Variants in TNFRSF10B observed in about 807,000 individuals in gnomAD.
TNFRSF10B encodes tumor necrosis factor receptor superfamily member 10B.
Under a neutral mutation model 41.4 loss-of-function variants are expected in TNFRSF10B, and 35 were observed. The ratio of observed to expected loss-of-function variants is 0.85; its 90% CI spans 0.65 to 1.12. The LOEUF (loss-of-function observed/expected upper bound fraction) is 1.12, where lower values mean the gene tolerates loss of function less well. TNFRSF10B is among the 50% of genes most tolerant of loss of function. The probability of loss-of-function intolerance (pLI) is 0.00; values close to 1 mark genes in which losing one functional copy is unlikely to be tolerated. For missense variants in TNFRSF10B, 584 were observed against 552.7 expected, an observed-to-expected ratio of 1.06 and a Z score of -0.57; for synonymous variants, 230 against 215.5, an observed-to-expected ratio of 1.07 and a Z score of -0.59.
intron 1 of TNFRSF10B, among the ~76,000 whole-genome samples, chr8:23,057,007 TA>T (rs1348663708): frequency 6.6e-6 from 1 of 151,414 alleles, no homozygotes; most frequent in East Asian, 1.9e-4. Flanking sequence ...AAATGTCAAT[TA>T]AGTCAAGGTG....
rs1424201035 is a variant in TNFRSF10B at position 23,028,322 on chromosome 8, A to G, written c.748+9T>C. ...GTGCCCTGTGCCCCCGCCCTCAGCCAGCACCTACCTGAGCAGATGCCTTTC... is the reference window on the plus strand; with the variant it reads ...GTGCCCTGTGCCCCCGCCCTCAGCCGGCACCTACCTGAGCAGATGCCTTTC... On this transcript the variant is annotated intron_variant, in intron 5 of 8. Transcript: ENST00000276431. The G allele has an allele frequency of 1.2e-6, 2 of 1,613,900 alleles. No homozygotes were observed. The highest frequency in any genetic ancestry group is 1.7e-6 in the Non-Finnish European group (2 of 1,179,996).
At chr8:23,060,161 AT>A (rs140362453) in intron 1 of TNFRSF10B, among the ~76,000 whole-genome samples, 14,745 of 152,058 alleles carry the variant, frequency 0.097, 1,314 homozygotes, top group African/African-American at 0.24. Flanking sequence ...CAAAATGTTT[AT>A]TTTTTCTTTT....
At chr8:23,023,599 A>T (rs1463864335) in intron 8 of TNFRSF10B, among the ~76,000 whole-genome samples, 3 of 152,218 alleles carry the variant, frequency 2.0e-5, no homozygotes, top group African/African-American at 7.2e-5. Context: ...CGCCGTCCTC[A>T]GAGATAGACA....
At chr8:23,051,574 T>C (rs1812519184) in intron 1 of TNFRSF10B, among the ~76,000 whole-genome samples, 1 of 151,462 alleles carries the variant, frequency 6.6e-6, no homozygotes, top group African/African-American at 2.4e-5. Flanking sequence ...AGATGGAGTC[T>C]CGCTCTGTCG....
Position 23,069,001 on chromosome 8 carries a change from C to T in TNFRSF10B, c.-107G>A, listed in dbSNP as rs576864679. 6.8e-5 allele frequency: 107 copies of T among 1,567,412 alleles called. 1 individual carries two copies. The highest frequency in any genetic ancestry group is 2.1e-4 in the Admixed American group (12 of 57,082). On this transcript the variant is annotated 5_prime_UTR_variant, in exon 1 of 9. Transcript: ENST00000276431. ...GTGGGCGCAGAGATTGCGGGGTTCTCCGGCCGCGTGCTGATTTATGTGTCC... is the reference window on the plus strand; with the variant it reads ...GTGGGCGCAGAGATTGCGGGGTTCTTCGGCCGCGTGCTGATTTATGTGTCC...
intron 1 of TNFRSF10B, among the ~76,000 whole-genome samples, chr8:23,046,549 T>C (rs1168711989): frequency 6.6e-6 from 1 of 150,932 alleles, no homozygotes; most frequent in East Asian, 1.9e-4. Context: ...ATGTAATCAC[T>C]ATCAAAATTC....
chr8:23,047,974 T>G (rs190564343), intron 1 of TNFRSF10B, among the ~76,000 whole-genome samples: 1 of 152,114 alleles, frequency 6.6e-6, no homozygotes, highest in Non-Finnish European at 1.5e-5. Context: ...AACAGATAAA[T>G]GGATAAAGAA....
intron 2 of TNFRSF10B, among the ~76,000 whole-genome samples, chr8:23,032,425 C>G (rs574300918): frequency 1.3e-5 from 2 of 152,172 alleles, no homozygotes; most frequent in Non-Finnish European, 2.9e-5. Flanking sequence ...TAAAGCTGCC[C>G]TGGAATGAGG....
At chr8:23,059,420 A>C (rs1354217337) in intron 1 of TNFRSF10B, among the ~76,000 whole-genome samples, 2 of 152,244 alleles carry the variant, frequency 1.3e-5, no homozygotes, top group African/African-American at 4.8e-5. Context: ...ACTGTTTTCC[A>C]TAGTGGCTGC....
rs200151174 is a variant in TNFRSF10B, at chr8:23,028,488, C to T, written c.591G>A (p.Thr197=). The stretch of plus-strand genomic sequence containing the variant: ...CAGGAGTCCCTGGGCTGGAGGTCAC[C>T]GTCTCCTCCACAGCTGGGACTTCCC... The part of the protein sequence containing the change: ...HSGEVPAVEE[T]VTSSPGTPAS... Residue 197 remains threonine (T), a synonymous_variant, in exon 5 of 9, where the codon ACG becomes ACA. Coordinates refer to ENST00000276431, the MANE Select transcript of TNFRSF10B (RefSeq NM_003842.5). 38 of 1,614,016 alleles carry T rather than the reference C, an allele frequency of 2.4e-5. No individual in the cohort carries two copies. In the East Asian group the frequency reaches 4.7e-4, roughly 20 times the overall value.
chr8:23,030,095 G>A (rs4460370), intron 3 of TNFRSF10B, among the ~76,000 whole-genome samples: 45,900 of 151,868 alleles, frequency 0.3, 7,140 homozygotes, highest in East Asian at 0.35. Flanking sequence ...TGGGGAGGAG[G>A]GAGAGGCCTG....
chr8:23,040,466 C>T (rs137910386), intron 2 of TNFRSF10B, among the ~76,000 whole-genome samples: 48,581 of 65,630 alleles, frequency 0.74, 20,580 homozygotes, highest in Admixed American at 0.78. Context: ...AATATATATA[C>T]ACAAAATATA....
In TNFRSF10B at chr8:23,027,275, G is replaced by T. The variant is rs530146218; in HGVS notation, c.794C>A (p.Pro265His). 4 of 1,614,020 alleles carry T rather than the reference G, an allele frequency of 2.5e-6. No individual in the cohort carries two copies. The highest frequency in any genetic ancestry group is 3.4e-6 in the Non-Finnish European group (4 of 1,180,038). Reference protein sequence around the residue: ...PERVDRSSQRPGAEDNVLNEI... With the variant: ...PERVDRSSQRHGAEDNVLNEI... ...ATTGAGGACATTGTCCTCAGCCCCA[G>T]GTCGTTGTGAGCTCTGGAAAAAGAC... The change falls in exon 7 of 9, where the codon CCT becomes CAT. Residue 265 changes from proline (P) to histidine (H), a missense_variant. By Grantham distance (77) the Pro-to-His change is moderately conservative (BLOSUM62 -2). Transcript: ENST00000276431.
chr8:23,038,711 T>C (rs1812091808), intron 2 of TNFRSF10B, among the ~76,000 whole-genome samples: 1 of 152,202 alleles, frequency 6.6e-6, no homozygotes, highest in African/African-American at 2.4e-5. Flanking sequence ...AGCTGTATTA[T>C]GTTAGGTGGA....
At chr8:23,032,991 G>A (rs1811923145) in intron 2 of TNFRSF10B, among the ~76,000 whole-genome samples, 1 of 152,128 alleles carries the variant, frequency 6.6e-6, no homozygotes, top group South Asian at 2.1e-4. Context: ...TATGTACAAG[G>A]GAACCTCAAT....
At chr8:23,030,967 G>GAACC in intron 2 of TNFRSF10B, 95 bp from the exon 3 acceptor site, 1 of 855,346 alleles carries the variant, frequency 1.2e-6, no homozygotes, top group Admixed American at 2.0e-5. Context: ...GGGATGTGTG[G>GAACC]AACCAAAAGA....
chr8:23,040,264 TAA>T (rs199993692), intron 2 of TNFRSF10B, among the ~76,000 whole-genome samples: 3,763 of 129,874 alleles, frequency 0.029, 609 homozygotes, highest in African/African-American at 0.094. Flanking sequence ...ATATATTTAT[TAA>T]ATATATATAT....
intron 2 of TNFRSF10B, among the ~76,000 whole-genome samples, chr8:23,041,131 T>C (rs543491089): frequency 1.3e-5 from 2 of 151,390 alleles, no homozygotes; most frequent in East Asian, 1.9e-4. Flanking sequence ...TGATCTCAGC[T>C]CACTGCAACC....
At chr8:23,035,443 G>A (rs1220859764) in intron 2 of TNFRSF10B, among the ~76,000 whole-genome samples, 2 of 152,068 alleles carry the variant, frequency 1.3e-5, no homozygotes, top group African/African-American at 4.8e-5. Context: ...CATCTGGCCT[G>A]CAGGGATATT....
Sources: allele counts gnomAD v4.1 joint callset (sites outside exome capture counted in the v4.1 genomes callset), GRCh38; gene constraint gnomAD v4.1.1; transcripts MANE v1.5; gene names NCBI Gene and HGNC (gene_info 2026-07-23, HGNC 2026-07-21).